TFAP2A: variants seen among roughly 807,000 people sequenced by gnomAD.
The protein encoded by TFAP2A is transcription factor AP-2-alpha.
A neutral mutation model predicts 41.5 loss-of-function variants in TFAP2A; 7 were observed. That is an observed-to-expected ratio of 0.17 (90% CI 0.10 to 0.32). The LOEUF (loss-of-function observed/expected upper bound fraction) is 0.32. Among genes scored for constraint, TFAP2A ranks in the 10% least tolerant of loss-of-function variants. TFAP2A has a pLI of 1.00. For synonymous variants in TFAP2A, 247 were observed against 242.8 expected (o/e 1.02, Z -0.16); for missense variants, 416 against 563.3 (o/e 0.74, Z 2.65).
At chr6:10,410,451 G>C (rs531375421) in intron 1 of TFAP2A, 116 bp from the exon 2 acceptor site, 40 of 1,031,990 alleles carry the variant, frequency 3.9e-5, no homozygotes, top group Non-Finnish European at 5.3e-5. Context: ...CCGTTGGCTG[G>C]CCGCCGGGAA....
In TFAP2A at chr6:10,410,047, G is replaced by T; in HGVS notation, c.340C>A (p.Arg114=). The stretch of plus-strand genomic sequence containing the variant: ...CCCGACAGCTGGTGAGGCAGCCCCC[G>T]GTGCGTGTGCAGGAGCCCAGACTCC... ...SQESGLLHTH[R]GLPHQLSGLD... is the part of the protein sequence containing the mutation. Residue 114 remains arginine, a synonymous_variant, in exon 2 of 7, where the codon CGG becomes AGG. Transcript: ENST00000379613. 6.2e-7 allele frequency: 1 copy of T among 1,612,830 alleles called. No homozygotes were observed. The highest frequency in any genetic ancestry group is 8.5e-7 in the Non-Finnish European group (1 of 1,179,848).
chr6:10,411,783 A>C, intron 1 of TFAP2A: 2 of 1,454,594 alleles, frequency 1.4e-6, no homozygotes, highest in Middle Eastern at 2.6e-4. Flanking sequence ...TCCGAACTTG[A>C]ACCACCGATT....
rs1758177200 is a variant in TFAP2A, at chr6:10,414,875, G to A, written c.51+66C>T. 6 of 1,603,084 alleles carry A rather than the reference G, an allele frequency of 3.7e-6. No homozygotes were observed. In the Admixed American group the frequency reaches 8.3e-5, roughly 22 times the overall value. On this transcript the variant is annotated intron_variant, in intron 1 of 6. Transcript: ENST00000379613. ...TCGCAGCTGGTTGCAAGGAGAGGAG[G>A]AGGAGAGGGAGGGTCAAGCTCGGAG...
upstream of TFAP2A, chr6:10,419,480 C>T (rs202033105): frequency 3.5e-4 from 562 of 1,614,152 alleles, no homozygotes; most frequent in Non-Finnish European, 4.5e-4. Flanking sequence ...CGACTGGTCC[C>T]CGCCGGGCAT....
At chr6:10,411,658 G>C in intron 1 of TFAP2A, 2 of 1,611,164 alleles carry the variant, frequency 1.2e-6, no homozygotes, top group Non-Finnish European at 1.7e-6. Flanking sequence ...GGAGCGCCCG[G>C]CTGCCCCGCC....
chr6:10,404,474 G>A, intron 4 of TFAP2A, 34 bp downstream of exon 4: 1 of 1,440,362 alleles, frequency 6.9e-7, no homozygotes, highest in African/African-American at 1.5e-5. Context: ...CCCCGGCCGC[G>A]GGGCGGGGCG....
At chr6:10,411,825 G>T in intron 1 of TFAP2A, 1 of 1,427,374 alleles carries the variant, frequency 7.0e-7, no homozygotes, top group African/African-American at 1.5e-5. Context: ...CGAACCCACG[G>T]TCTCTATCCT....
At chr6:10,413,345 C>A (rs1018170125) in intron 1 of TFAP2A, among the ~76,000 whole-genome samples, 2 of 152,202 alleles carry the variant, frequency 1.3e-5, no homozygotes, top group African/African-American at 4.8e-5. Context: ...GGTGCAAGTT[C>A]ATCCCCCACC....
intron 2 of TFAP2A, 69 bp downstream of exon 2, chr6:10,409,832 A>T: frequency 1.3e-6 from 2 of 1,514,120 alleles, no homozygotes; most frequent in Non-Finnish European, 8.9e-7. Flanking sequence ...TGTATGTTCC[A>T]GGTATCCTTT....
In TFAP2A at chr6:10,397,955, G is replaced by GT. The variant is rs930861855; in HGVS notation, c.*461dup. 46 of 1,000,226 alleles carry GT rather than the reference G, an allele frequency of 4.6e-5. No homozygotes were observed. In the African/African-American group the frequency reaches 7.9e-4, roughly 17 times the overall value. 62.0% of individuals were successfully genotyped at this position (1,000,226 alleles called of 1,614,324 possible). A position where few individuals can be genotyped will look rare whatever the true frequency, so the allele number is the denominator to read the frequency against. On this transcript the variant is annotated 3_prime_UTR_variant, in exon 7 of 7. Transcript: ENST00000379613. ...AAGTATGGCTACAATCTGAACTGAA[G>GT]TATGTAAGGGAAGGTGGTGACTCAG...
chr6:10,400,212 AT>A (rs1761956033), intron 6 of TFAP2A, among the ~76,000 whole-genome samples: 1 of 149,084 alleles, frequency 6.7e-6, no homozygotes, highest in Non-Finnish European at 1.5e-5. Context: ...ATACACACTC[AT>A]TAAAAAAAAA....
At chr6:10,402,439 T>C (rs762813090) in intron 5 of TFAP2A, 53 bp downstream of exon 5, 23 of 1,310,722 alleles carry the variant, frequency 1.8e-5, no homozygotes, top group Non-Finnish European at 2.4e-5. Flanking sequence ...CACTAAATAT[T>C]ATCCATTTTC....
At position 10,406,960 on chromosome 6, in the gene TFAP2A, A is replaced by G. The variant is rs1581265690; in HGVS notation, c.487-116T>C. Reference sequence around the variant, plus strand: ...AGAATCAAAATTCCCCCTCCCGTATAATGACATTTATATATAAACATCTCA... The same window carrying G: ...AGAATCAAAATTCCCCCTCCCGTATGATGACATTTATATATAAACATCTCA... On this transcript the variant is annotated intron_variant, in intron 2 of 6. Transcript: ENST00000379613. The G allele has an allele frequency of 8.3e-6, 7 of 843,174 alleles. No individual in the cohort carries two copies. In the East Asian group the frequency reaches 1.5e-4, roughly 18 times the overall value. The allele number at this position is 843,174 out of a possible 1,614,324, so 52.2% of individuals were successfully genotyped here.
Position 10,404,618 on chromosome 6 carries a change from G to A in TFAP2A, c.660C>T (p.Leu220=), listed in dbSNP as rs369302647. Reference sequence around the variant, plus strand: ...ACTTCGAGGTGGAGCTGAGGAGCGAGAGGCGACCCGGAACTGAACAGAAGA... The same window carrying A: ...ACTTCGAGGTGGAGCTGAGGAGCGAAAGGCGACCCGGAACTGAACAGAAGA... ...NEVFCSVPGR[L]SLLSSTSKYK... is the part of the protein sequence containing the mutation. The change falls in exon 4 of 7, where the codon CTC becomes CTT. Residue 220 remains leucine, a synonymous_variant. Coordinates refer to ENST00000379613, the MANE Select transcript of TFAP2A (RefSeq NM_001372066.1). 1.3e-4 allele frequency: 215 copies of A among 1,614,106 alleles called. No individual in the cohort carries two copies. The highest frequency in any genetic ancestry group is 1.8e-4 in the Non-Finnish European group (210 of 1,180,036).
intron 2 of TFAP2A, chr6:10,409,588 T>C (rs537759508): frequency 8.4e-5 from 30 of 358,110 alleles, no homozygotes; most frequent in African/African-American, 3.7e-4. Flanking sequence ...CTTTTAGCAA[T>C]TGAGACAGTT....
upstream of TFAP2A, chr6:10,419,553 C>A: frequency 6.9e-7 from 1 of 1,448,138 alleles, no homozygotes. Flanking sequence ...CCTTTTTTAC[C>A]TGCTCACCAA....
At chr6:10,400,317 A>G in intron 6 of TFAP2A, 131 bp downstream of exon 6, 1 of 1,105,984 alleles carries the variant, frequency 9.0e-7, no homozygotes, top group Non-Finnish European at 1.4e-6. Flanking sequence ...TATATATAAG[A>G]TGGTGTTATA....
chr6:10,401,934 T>C (rs1273394396), intron 5 of TFAP2A: 4 of 244,074 alleles, frequency 1.6e-5, no homozygotes, highest in South Asian at 1.1e-4. Flanking sequence ...GCAATGCTTA[T>C]ATTTATCTTT....
At position 10,398,278 on chromosome 6, in the gene TFAP2A, A is replaced by AGCGGCGGCG. The variant is rs952111195; in HGVS notation, c.*130_*138dup. ...CGGAGACTCGGGGGGACCCAAGGGC[A>AGCGGCGGCG]GCGGCGGCGGCGGCGGCGGCAGCAG... On this transcript the variant is annotated 3_prime_UTR_variant, in exon 7 of 7. Transcript: ENST00000379613. The surrounding 1 kb of genome is among the most constrained non-coding windows in gnomAD (Gnocchi z 5.3). 117 of 1,568,494 alleles carry AGCGGCGGCG rather than the reference A, an allele frequency of 7.5e-5. 1 individual carries two copies. The highest frequency in any genetic ancestry group is 6.9e-4 in the East Asian group (30 of 43,736).
Sources: gnomAD v4.1 joint callset for allele counts (sites outside exome capture counted in the v4.1 genomes callset) on GRCh38, gnomAD v4.1.1 for gene constraint, Gnocchi (gnomAD v3.1) non-coding constraint, MANE v1.5 for transcripts, NCBI Gene and HGNC (gene_info 2026-07-23, HGNC 2026-07-21) for gene names.